The following DCC variants were observed in gnomAD, a reference collection of about 807,000 sequenced individuals.
DCC encodes DCC netrin 1 receptor, also known as netrin receptor DCC.
A neutral mutation model predicts 172.5 loss-of-function variants in DCC; 58 were observed. The observed-to-expected ratio is 0.34, with a 90% CI of 0.27 to 0.42. DCC has a LOEUF of 0.42. DCC is among the 10% of genes least tolerant of loss of function. The pLI, the probability that DCC is intolerant of heterozygous loss-of-function variation, is 1.00. For missense variants in DCC, 1,740 were observed against 1,791.0 expected (o/e 0.97, Z 0.51); for synonymous variants, 709 against 644.5 (o/e 1.10, Z -1.52).
At chr18:52,392,614 A>G (rs1270319525) in intron 1 of DCC, among the ~76,000 whole-genome samples, 3 of 152,098 alleles carry the variant, frequency 2.0e-5, no homozygotes, top group Admixed American at 1.3e-4. Flanking sequence ...TCAGGGGCTT[A>G]AGAATGTGTG....
At chr18:53,471,082 T>A (rs1007978491) in intron 25 of DCC, among the ~76,000 whole-genome samples, 1 of 152,200 alleles carries the variant, frequency 6.6e-6, no homozygotes, top group Non-Finnish European at 1.5e-5. Flanking sequence ...CAAGCTACCA[T>A]CATCTCTTAC....
chr18:53,242,246 G>A (rs2056306158), intron 12 of DCC, among the ~76,000 whole-genome samples: 1 of 152,108 alleles, frequency 6.6e-6, no homozygotes, highest in Non-Finnish European at 1.5e-5. Context: ...GTAAAGGAGA[G>A]CTAATTGGCT....
At chr18:53,024,643 GA>G (rs1477969728) in intron 5 of DCC, among the ~76,000 whole-genome samples, 1 of 152,104 alleles carries the variant, frequency 6.6e-6, no homozygotes, top group African/African-American at 2.4e-5. Flanking sequence ...ACTATTCTCT[GA>G]TGACTGCTTT....
chr18:53,353,927 G>A (rs938698620), intron 15 of DCC, among the ~76,000 whole-genome samples: 4 of 151,798 alleles, frequency 2.6e-5, no homozygotes, highest in East Asian at 1.9e-4. Flanking sequence ...CCGACCTCAC[G>A]ACAGGCCCCG....
At chr18:53,245,726 C>T (rs907480517) in intron 12 of DCC, among the ~76,000 whole-genome samples, 1 of 151,974 alleles carries the variant, frequency 6.6e-6, no homozygotes, top group African/African-American at 2.4e-5. Flanking sequence ...AACAGTAATC[C>T]TTGTGTATCA....
intron 25 of DCC, among the ~76,000 whole-genome samples, chr18:53,470,466 C>T (rs1245398234): frequency 6.6e-6 from 1 of 152,152 alleles, no homozygotes; most frequent in African/African-American, 2.4e-5. Context: ...CAGCTTCTGA[C>T]CATTACCCAG....
rs531034369 is a variant in DCC at position 52,634,343 on chromosome 18, T to C, written c.92-117711T>C. 3.9e-5 allele frequency among the ~76,000 whole-genome samples: 6 copies of C among 152,352 alleles called. No homozygotes were observed. The South Asian group carries it at 1.2e-3, about 32-fold the overall frequency. The stretch of plus-strand genomic sequence containing the variant: ...CATTATGCATATTATTTCTATGGTA[T>C]TTCATTGTATTAGCACATGTAGTAT... On this transcript the variant is annotated intron_variant, in intron 1 of 28. Coordinates refer to ENST00000442544, the MANE Select transcript of DCC (RefSeq NM_005215.4).
chr18:52,621,137 A>G (rs1182460911), intron 1 of DCC, among the ~76,000 whole-genome samples: 1 of 152,230 alleles, frequency 6.6e-6, no homozygotes, highest in Non-Finnish European at 1.5e-5. Context: ...TCACAGTGTC[A>G]ACATTAACTA....
chr18:53,099,338 T>C (rs2043129894), intron 7 of DCC, among the ~76,000 whole-genome samples: 1 of 152,142 alleles, frequency 6.6e-6, no homozygotes, highest in African/African-American at 2.4e-5. Context: ...GATATTCGAA[T>C]TGTCCCAGAT....
intron 28 of DCC, among the ~76,000 whole-genome samples, chr18:53,529,937 T>G (rs967014403): frequency 1.3e-5 from 2 of 152,180 alleles, no homozygotes; most frequent in African/African-American, 2.4e-5. Flanking sequence ...CAAAAAGGAT[T>G]GACTGTGGTT....
intron 15 of DCC, among the ~76,000 whole-genome samples, chr18:53,384,342 T>G (rs73960113): frequency 0.039 from 5,972 of 152,200 alleles, 389 homozygotes; most frequent in African/African-American, 0.13. Flanking sequence ...TTTTTCTAAG[T>G]CATATATTAT....
At chr18:53,323,606 G>A (rs185357721) in intron 14 of DCC, among the ~76,000 whole-genome samples, 8 of 152,202 alleles carry the variant, frequency 5.3e-5, no homozygotes, top group Admixed American at 2.6e-4. Context: ...TTGGGTACTT[G>A]AAAACTACAG....
chr18:52,486,029 T>A (rs2030201599), intron 1 of DCC, among the ~76,000 whole-genome samples: 1 of 152,142 alleles, frequency 6.6e-6, no homozygotes, highest in Non-Finnish European at 1.5e-5. Flanking sequence ...CAGGGTCTTG[T>A]TCTGTCACTT....
intron 28 of DCC, chr18:53,530,173 T>C (rs1204725267): frequency 1.6e-6 from 1 of 620,542 alleles, no homozygotes; most frequent in Non-Finnish European, 2.9e-6. Context: ...GTACTAAACA[T>C]GTTACAGGAG....
At chr18:52,985,026 T>C (rs982576995) in intron 5 of DCC, among the ~76,000 whole-genome samples, 7 of 152,178 alleles carry the variant, frequency 4.6e-5, no homozygotes, top group Admixed American at 4.6e-4. Flanking sequence ...TGTCCTATTA[T>C]TAAAGTGAAA....
intron 12 of DCC, among the ~76,000 whole-genome samples, chr18:53,216,728 T>C (rs1335500904): frequency 6.6e-6 from 1 of 152,162 alleles, no homozygotes; most frequent in Non-Finnish European, 1.5e-5. Context: ...GTGAATGCAT[T>C]ATTCTCTTAT....
chr18:52,750,681 C>A (rs920322791), intron 1 of DCC, among the ~76,000 whole-genome samples: 11 of 152,152 alleles, frequency 7.2e-5, no homozygotes, highest in Non-Finnish European at 1.5e-4. Flanking sequence ...AGCTGTTCTG[C>A]TTTCTCTTCA....
chr18:52,483,551 A>T (rs748736305), intron 1 of DCC, among the ~76,000 whole-genome samples: 11 of 152,066 alleles, frequency 7.2e-5, no homozygotes, highest in Non-Finnish European at 1.3e-4. Context: ...ATACTTCTTG[A>T]ACGTTTTGAA....
chr18:52,384,285 G>T (rs901846513), intron 1 of DCC, among the ~76,000 whole-genome samples: 2 of 152,016 alleles, frequency 1.3e-5, no homozygotes, highest in Non-Finnish European at 2.9e-5. Flanking sequence ...ACTTCCTACC[G>T]AGCTTCCTTC....
Sources: allele counts gnomAD v4.1 joint callset (sites outside exome capture counted in the v4.1 genomes callset), GRCh38; gene constraint gnomAD v4.1.1; transcripts MANE v1.5; gene names NCBI Gene and HGNC (gene_info 2026-07-23, HGNC 2026-07-21).